Variants in DSCAML1 observed in about 807,000 individuals in gnomAD.
DSCAML1 encodes the protein cell adhesion molecule DSCAML1.
A neutral mutation model predicts 200.5 loss-of-function variants in DSCAML1; 38 were observed. That is an observed-to-expected ratio of 0.19 (90% CI 0.15 to 0.25). The LOEUF is 0.25. Among genes scored for constraint, DSCAML1 ranks in the 10% least tolerant of loss-of-function variants. DSCAML1 has a pLI of 1.00. For synonymous variants in DSCAML1, 1,215 were observed against 1,165.0 expected, an observed-to-expected ratio of 1.04 and a Z score of -0.87; for missense variants, 2,223 against 2,858.8, an observed-to-expected ratio of 0.78 and a Z score of 5.07.
chr11:117,548,930 G>A (rs1033154542), intron 3 of DSCAML1, among the ~76,000 whole-genome samples: 1 of 152,138 alleles, frequency 6.6e-6, no homozygotes, highest in East Asian at 1.9e-4. Flanking sequence ...TCATGCCTTG[G>A]TAATAATGGG....
intron 3 of DSCAML1, among the ~76,000 whole-genome samples, chr11:117,554,967 C>T (rs1366016658): frequency 6.6e-6 from 1 of 152,214 alleles, no homozygotes; most frequent in Non-Finnish European, 1.5e-5. Context: ...ACGTCCCCTG[C>T]CTCTTCTCTA....
intron 2 of DSCAML1, among the ~76,000 whole-genome samples, chr11:117,778,330 T>C (rs2134048676): frequency 6.6e-6 from 1 of 152,242 alleles, no homozygotes; most frequent in Middle Eastern, 3.4e-3. Flanking sequence ...GAATGGACCC[T>C]GGAGGGAGGC....
chr11:117,689,102 G>A (rs1172606283), intron 3 of DSCAML1, among the ~76,000 whole-genome samples: 1 of 152,176 alleles, frequency 6.6e-6, no homozygotes. Context: ...CCTCACAACA[G>A]CTGCAGGACA....
chr11:117,491,399 C>T (rs1219755792), intron 11 of DSCAML1, among the ~76,000 whole-genome samples: 1 of 152,232 alleles, frequency 6.6e-6, no homozygotes, highest in Non-Finnish European at 1.5e-5. Flanking sequence ...TAAATTGCCC[C>T]TGGTCACATG....
intron 3 of DSCAML1, among the ~76,000 whole-genome samples, chr11:117,706,116 C>T (rs774737148): frequency 2.0e-5 from 3 of 152,172 alleles, no homozygotes; most frequent in Non-Finnish European, 4.4e-5. Flanking sequence ...CAATTCACCA[C>T]TGAGCAGCTC....
chr11:117,443,166 A>G (rs57680824), intron 21 of DSCAML1, among the ~76,000 whole-genome samples: 45,532 of 152,136 alleles, frequency 0.3, 6,940 homozygotes, highest in South Asian at 0.35. Flanking sequence ...CAAGTAGAGG[A>G]CCTGCGGTCC....
chr11:117,777,362 CG>C (rs1413476219), intron 2 of DSCAML1, among the ~76,000 whole-genome samples: 1 of 152,162 alleles, frequency 6.6e-6, no homozygotes, highest in Non-Finnish European at 1.5e-5. Flanking sequence ...AAAACCAAAC[CG>C]GATTTCCTGC....
At chr11:117,561,444 CTGTGCGGCTA>C (rs1203134100) in intron 3 of DSCAML1, among the ~76,000 whole-genome samples, 1 of 152,222 alleles carries the variant, frequency 6.6e-6, no homozygotes, top group Admixed American at 6.5e-5. Flanking sequence ...TGCAGCAGCT[CTGTGCGGCTA>C]TGGGGATGAA....
intron 3 of DSCAML1, among the ~76,000 whole-genome samples, chr11:117,762,155 C>G (rs1163405096): frequency 6.6e-6 from 1 of 152,196 alleles, no homozygotes; most frequent in Non-Finnish European, 1.5e-5. Flanking sequence ...GATGACACCA[C>G]CTGTCACAAG....
upstream of DSCAML1, among the ~76,000 whole-genome samples, chr11:117,797,986 C>T (rs1297781993): frequency 2.0e-5 from 3 of 152,176 alleles, no homozygotes; most frequent in African/African-American, 7.2e-5. Flanking sequence ...TCTCAGTGAC[C>T]AAATGAATGT....
In DSCAML1 at chr11:117,504,126, T is replaced by A. The variant is rs1489281365; in HGVS notation, c.2183-105A>T. 1.4e-5 allele frequency: 19 copies of A among 1,357,206 alleles called. No individual in the cohort carries two copies. Among genetic ancestry groups the A allele is most frequent in the Non-Finnish European group, 1.8e-5 (18 of 983,648 alleles). The allele number at this position is 1,357,206 out of a possible 1,614,324, so 84.1% of individuals were successfully genotyped here. On this transcript the variant is annotated intron_variant, in intron 10 of 32. Coordinates refer to ENST00000651296, the MANE Select transcript of DSCAML1 (RefSeq NM_020693.4). This position sits in a 1 kb window ranked among gnomAD's most constrained non-coding sequence, Gnocchi z 5.0. ...CTCGCTCTTGCAGATCTAGGGCCAT[T>A]TTGTAGCAGAGCTGCACCATCCCCA...
chr11:117,672,105 A>C, intron 3 of DSCAML1, among the ~76,000 whole-genome samples: 2 of 24,070 alleles, frequency 8.3e-5, no homozygotes, highest in African/African-American at 1.3e-4. Flanking sequence ...CAGCTCAGAA[A>C]AAAAAAAAAA....
intron 4 of DSCAML1, among the ~76,000 whole-genome samples, chr11:117,530,257 T>A (rs2050050608): frequency 6.6e-6 from 1 of 152,148 alleles, no homozygotes; most frequent in Non-Finnish European, 1.5e-5. Context: ...GACTCTTGCC[T>A]AGTGCCCCCA....
intron 3 of DSCAML1, among the ~76,000 whole-genome samples, chr11:117,577,626 G>C (rs1342723279): frequency 6.7e-6 from 1 of 148,728 alleles, no homozygotes; most frequent in Non-Finnish European, 1.5e-5. Context: ...GAGTGCAGTG[G>C]TGCAATCTCG....
At chr11:117,436,522 G>A (rs537984136) in intron 26 of DSCAML1, among the ~76,000 whole-genome samples, 4,731 of 124,930 alleles carry the variant, frequency 0.038, 115 homozygotes, top group Non-Finnish European at 0.065. Context: ...GGATGTGTGT[G>A]TGTGTGTATG....
chr11:117,776,041 T>C (rs1309420833), intron 3 of DSCAML1, among the ~76,000 whole-genome samples: 1 of 152,146 alleles, frequency 6.6e-6, no homozygotes, highest in African/African-American at 2.4e-5. Context: ...AAATGGGTGG[T>C]GGAAAAATCC....
Position 117,486,365 on chromosome 11 carries a change from GTGGCTGATGTGAAAA to G in DSCAML1, c.2360-4218_2360-4204del, listed in dbSNP as rs1375434000. Among the ~76,000 whole-genome samples, 101 of 149,018 alleles carry G rather than the reference GTGGCTGATGTGAAAA, an allele frequency of 6.8e-4. 1 individual carries two copies. The highest frequency in any genetic ancestry group is 2.8e-3 in the South Asian group (13 of 4,678). ...GGATGTGATAATGGCGGATGTGAAA[GTGGCTGATGTGAAAA>G]TGGCGGATGTGAAAGTGGCGGATGG... On this transcript the variant is annotated intron_variant, in intron 11 of 32. Coordinates refer to ENST00000651296, the MANE Select transcript of DSCAML1 (RefSeq NM_020693.4).
At chr11:117,796,841 G>A (rs2055586903) in intron 1 of DSCAML1, among the ~76,000 whole-genome samples, 193 bp downstream of exon 1, 2 of 152,222 alleles carry the variant, frequency 1.3e-5, no homozygotes, top group Admixed American at 6.5e-5. Flanking sequence ...GGTGGCTGGC[G>A]GAGCGGTCGG....
At chr11:117,627,520 C>CA (rs2052076392) in intron 3 of DSCAML1, among the ~76,000 whole-genome samples, 1 of 152,098 alleles carries the variant, frequency 6.6e-6, no homozygotes, top group African/African-American at 2.4e-5. Flanking sequence ...TCGTGCCTTC[C>CA]CCTGAGCCGC....
Sources: allele counts gnomAD v4.1 joint callset (sites outside exome capture counted in the v4.1 genomes callset), GRCh38; gene constraint gnomAD v4.1.1; non-coding constraint Gnocchi (gnomAD v3.1); transcripts MANE v1.5; gene names NCBI Gene and HGNC (gene_info 2026-07-23, HGNC 2026-07-21).